Variants in IKZF2 observed in about 807,000 individuals in gnomAD.
The protein encoded by IKZF2 is zinc finger protein Helios.
IKZF2 carries 15 observed loss-of-function variants against 49.2 expected under a neutral mutation model. The ratio of observed to expected loss-of-function variants is 0.30; its 90% confidence interval spans 0.20 to 0.47. The LOEUF is 0.47. Among genes scored for constraint, IKZF2 ranks in the 20% least tolerant of loss-of-function variants. The pLI is 1.00. For missense variants in IKZF2, 567 were observed against 664.6 expected, an observed-to-expected ratio of 0.85 and a Z score of 1.61; for synonymous variants, 227 against 221.4, an observed-to-expected ratio of 1.03 and a Z score of -0.23.
At chr2:213,124,262 A>AGG (rs2060174525) in intron 4 of IKZF2, among the ~76,000 whole-genome samples, 1 of 92,304 alleles carries the variant, frequency 1.1e-5, no homozygotes. Context: ...GCACACACAC[A>AGG]CACACACACA....
chr2:213,052,098 T>C (rs1700727705), intron 5 of IKZF2, among the ~76,000 whole-genome samples: 1 of 152,066 alleles, frequency 6.6e-6, no homozygotes, highest in African/African-American at 2.4e-5. Context: ...TTTATGCGAT[T>C]AATGAAAGGG....
At chr2:213,082,543 A>G (rs1020813018) in intron 4 of IKZF2, among the ~76,000 whole-genome samples, 1 of 152,142 alleles carries the variant, frequency 6.6e-6, no homozygotes, top group African/African-American at 2.4e-5. Flanking sequence ...AAACCCTCTG[A>G]CTAAGTCAAC....
intron 7 of IKZF2, chr2:213,021,605 C>T (rs367733814): frequency 8.7e-6 from 3 of 344,332 alleles, no homozygotes; most frequent in South Asian, 6.9e-5. Context: ...ATTAAAGGGC[C>T]GATTGGAGAA....
chr2:213,019,803 A>C (rs1697008445), intron 7 of IKZF2, among the ~76,000 whole-genome samples: 1 of 152,150 alleles, frequency 6.6e-6, no homozygotes, highest in Non-Finnish European at 1.5e-5. Flanking sequence ...CGGAGGGCTA[A>C]GCAATCTGGG....
intron 4 of IKZF2, among the ~76,000 whole-genome samples, chr2:213,104,473 T>G (rs956741646): frequency 1.3e-5 from 2 of 152,200 alleles, no homozygotes; most frequent in Admixed American, 6.6e-5. Flanking sequence ...AATCTTGTAC[T>G]ACTTTCACCT....
intron 4 of IKZF2, among the ~76,000 whole-genome samples, chr2:213,141,324 T>C (rs1004279146): frequency 4.6e-5 from 7 of 151,938 alleles, no homozygotes; most frequent in Non-Finnish European, 7.4e-5. Context: ...TTTCCCCACA[T>C]TGTAATCAAA....
At chr2:213,140,177 T>C (rs1291716727) in intron 4 of IKZF2, among the ~76,000 whole-genome samples, 1 of 151,898 alleles carries the variant, frequency 6.6e-6, no homozygotes, top group Non-Finnish European at 1.5e-5. Flanking sequence ...GCATTAACAT[T>C]CATTTGGAAT....
intron 5 of IKZF2, among the ~76,000 whole-genome samples, chr2:213,053,257 C>T (rs1700843287): frequency 6.6e-6 from 1 of 152,124 alleles, no homozygotes; most frequent in Non-Finnish European, 1.5e-5. Flanking sequence ...GGTCATGTGT[C>T]CTTCATGTCC....
rs375314367 is a variant in IKZF2, at chr2:213,129,310, G to C, written c.139+18398C>G. 2.1e-4 allele frequency among the ~76,000 whole-genome samples: 31 copies of C among 147,812 alleles called. No homozygotes were observed. The East Asian group carries it at 4.0e-3, about 19-fold the overall frequency. ...GATAATGTCATAGAATGCCTGGAGA[G>C]GGGCTTATTTATCTAGGATGCTCAG... On this transcript the variant is annotated intron_variant, in intron 4 of 8. Transcript: ENST00000434687.
chr2:213,040,376 T>A (rs1699514898), intron 6 of IKZF2, among the ~76,000 whole-genome samples: 1 of 151,986 alleles, frequency 6.6e-6, no homozygotes, highest in South Asian at 2.1e-4. Flanking sequence ...GTTGTTCCCC[T>A]CTATGGAGAC....
At chr2:213,150,935 T>C (rs1436197217) in intron 1 of IKZF2, among the ~76,000 whole-genome samples, 1 of 151,722 alleles carries the variant, frequency 6.6e-6, no homozygotes, top group South Asian at 2.1e-4. Context: ...CAACAGGATC[T>C]GGATATTACC....
At chr2:213,029,608 C>T (rs1698188578) in intron 6 of IKZF2, among the ~76,000 whole-genome samples, 1 of 151,976 alleles carries the variant, frequency 6.6e-6, no homozygotes, top group Non-Finnish European at 1.5e-5. Flanking sequence ...ATTTCACTTA[C>T]TAATGGTATG....
chr2:213,070,285 A>G (rs1457679793), intron 4 of IKZF2, among the ~76,000 whole-genome samples: 1 of 152,172 alleles, frequency 6.6e-6, no homozygotes, highest in Non-Finnish European at 1.5e-5. Context: ...CCCATTATTA[A>G]GAGATCAAGT....
intron 4 of IKZF2, among the ~76,000 whole-genome samples, chr2:213,071,747 G>A (rs1022648678): frequency 1.3e-5 from 2 of 152,054 alleles, no homozygotes; most frequent in African/African-American, 4.8e-5. Flanking sequence ...TTATCAGAAA[G>A]CAGAATATTT....
chr2:213,093,198 T>C (rs964196539), intron 4 of IKZF2, among the ~76,000 whole-genome samples: 7 of 152,156 alleles, frequency 4.6e-5, no homozygotes, highest in Admixed American at 6.6e-5. Context: ...ATTTCAATAG[T>C]TGTTTGTTGC....
chr2:213,051,472 G>A (rs1000615345), intron 5 of IKZF2, among the ~76,000 whole-genome samples: 1 of 151,904 alleles, frequency 6.6e-6, no homozygotes, highest in Admixed American at 6.6e-5. Context: ...TAATGTTAAA[G>A]TTCCCTTAAG....
At chr2:213,119,269 C>A (rs772305124) in intron 4 of IKZF2, among the ~76,000 whole-genome samples, 2 of 152,160 alleles carry the variant, frequency 1.3e-5, no homozygotes, top group Non-Finnish European at 2.9e-5. Flanking sequence ...ATAGGTAATT[C>A]TCTAAAGCCA....
chr2:213,042,318 A>G (rs1699743624), intron 6 of IKZF2, among the ~76,000 whole-genome samples: 1 of 152,166 alleles, frequency 6.6e-6, no homozygotes. Flanking sequence ...TACAATAGGA[A>G]TAACCAAAGT....
intron 4 of IKZF2, among the ~76,000 whole-genome samples, chr2:213,115,330 C>G (rs1045767299): frequency 3.9e-5 from 6 of 152,184 alleles, no homozygotes; most frequent in Non-Finnish European, 7.4e-5. Context: ...CAACACTAGT[C>G]TCCTCCTGAA....
Sources: allele counts gnomAD v4.1 joint callset (sites outside exome capture counted in the v4.1 genomes callset), GRCh38; gene constraint gnomAD v4.1.1; transcripts MANE v1.5; gene names NCBI Gene and HGNC (gene_info 2026-07-23, HGNC 2026-07-21).